ARHGEF10: variants seen among roughly 807,000 people sequenced by gnomAD.
ARHGEF10 encodes Rho guanine nucleotide exchange factor 10.
In ARHGEF10, 140 loss-of-function variants were observed where a neutral mutation model predicts 147.4. That is an observed-to-expected ratio of 0.95 (90% CI 0.83 to 1.09). The LOEUF (loss-of-function observed/expected upper bound fraction) is 1.09. ARHGEF10 is among the 50% of genes least tolerant of loss of function. ARHGEF10 has a pLI of 0.00. For missense variants in ARHGEF10, 2,222 were observed against 1,752.7 expected (o/e 1.27, Z -4.78); for synonymous variants, 902 against 695.8 (o/e 1.30, Z -4.67).
chr8:1,857,882 C>A, intron 2 of ARHGEF10, 78 bp from the exon 3 acceptor site: 1 of 606,206 alleles, frequency 1.6e-6, no homozygotes, highest in Non-Finnish European at 2.6e-6. Flanking sequence ...ATCGATCGAT[C>A]TATCTATCTA....
intron 22 of ARHGEF10, 98 bp from the exon 23 acceptor site, chr8:1,926,279 T>C: frequency 1.0e-6 from 1 of 975,856 alleles, no homozygotes; most frequent in South Asian, 1.3e-5. Flanking sequence ...TTTCTGTGTT[T>C]ATACATTGGA....
At chr8:1,929,168 G>T in intron 24 of ARHGEF10, 118 bp from the exon 25 acceptor site, 3 of 1,134,132 alleles carry the variant, frequency 2.6e-6, no homozygotes, top group Non-Finnish European at 3.9e-6. Context: ...GTGTCCCTAG[G>T]AATGGAGAAG....
chr8:1,830,339 G>T, intron 1 of ARHGEF10, among the ~76,000 whole-genome samples: 1 of 152,224 alleles, frequency 6.6e-6, no homozygotes, highest in South Asian at 2.1e-4. Context: ...CTTCTGTCCA[G>T]CATCCAGGCT....
intron 17 of ARHGEF10, among the ~76,000 whole-genome samples, chr8:1,907,251 A>G (rs962444016): frequency 6.6e-6 from 1 of 152,156 alleles, no homozygotes; most frequent in African/African-American, 2.4e-5. Context: ...ATGGCTTCCA[A>G]GTTTAACTGT....
intron 27 of ARHGEF10, among the ~76,000 whole-genome samples, chr8:1,950,162 G>T (rs1814913550): frequency 6.6e-6 from 1 of 152,132 alleles, no homozygotes; most frequent in Admixed American, 6.5e-5. Context: ...CACCTCAGCT[G>T]CCCCTGCCTC....
In ARHGEF10 at chr8:1,939,886, C is replaced by G. The variant is rs142851126; in HGVS notation, c.3223-5595C>G. On this transcript the variant is annotated intron_variant, in intron 26 of 28. Transcript: ENST00000349830. ...TAGCCAGCAGCCTTTGACTTGACTT[C>G]TTGGAGCACAGTTCTGTGTAGTTTT... Among the ~76,000 whole-genome samples, 1,505 of 152,328 alleles carry G rather than the reference C, an allele frequency of 9.9e-3. 13 individuals are homozygous for G. Among genetic ancestry groups the G allele is most frequent in the Admixed American group, 0.017 (254 of 15,310 alleles).
At chr8:1,856,400 G>A (rs763306514) in intron 2 of ARHGEF10, among the ~76,000 whole-genome samples, 4 of 152,200 alleles carry the variant, frequency 2.6e-5, no homozygotes, top group Non-Finnish European at 5.9e-5. Flanking sequence ...TCACGCTGTC[G>A]TGGGCCTGGG....
intron 1 of ARHGEF10, among the ~76,000 whole-genome samples, chr8:1,830,272 C>T (rs542936114): frequency 1.8e-3 from 269 of 152,222 alleles, no homozygotes; most frequent in African/African-American, 6.2e-3. Flanking sequence ...TCAGGCGGCT[C>T]ATTTCCCGTG....
intron 3 of ARHGEF10, 142 bp downstream of exon 3, chr8:1,858,257 C>T (rs1805769895): frequency 1.4e-6 from 1 of 723,626 alleles, no homozygotes; most frequent in Non-Finnish European, 2.3e-6. Flanking sequence ...GGTGAGTCCC[C>T]TGGGGGGTTC....
At chr8:1,888,146 T>TGTGGTGAGGGTTTGTGAGGAGACCCTG (rs1808887145) in intron 11 of ARHGEF10, among the ~76,000 whole-genome samples, 1 of 35,296 alleles carries the variant, frequency 2.8e-5, no homozygotes, top group African/African-American at 1.1e-4. Flanking sequence ...AGGAGACACT[T>TGTGGTGAGGGTTTGTGAGGAGACCCTG]AGTGGGGCGA....
intron 1 of ARHGEF10, among the ~76,000 whole-genome samples, chr8:1,834,375 G>A (rs1563151648): frequency 6.6e-6 from 1 of 152,180 alleles, no homozygotes; most frequent in South Asian, 2.1e-4. Flanking sequence ...TCAGTCCGAG[G>A]TGAGCAGAGC....
chr8:1,942,149 T>A (rs574196954), intron 26 of ARHGEF10, among the ~76,000 whole-genome samples: 2 of 151,026 alleles, frequency 1.3e-5, no homozygotes, highest in Admixed American at 6.6e-5. Flanking sequence ...ACCTTTTTGC[T>A]TCAAAGGACA....
chr8:1,870,375 A>G (rs1043583830), intron 7 of ARHGEF10: 8 of 152,146 alleles, frequency 5.3e-5, no homozygotes, highest in African/African-American at 1.9e-4. Context: ...AAGAAAATAT[A>G]AAATAAGAAA....
Position 1,859,154 on chromosome 8 carries a change from C to CA in ARHGEF10, c.194-743_194-742insA, listed in dbSNP as rs1805867406. On this transcript the variant is annotated intron_variant, in intron 3 of 28. Coordinates refer to ENST00000349830, the MANE Select transcript of ARHGEF10 (RefSeq NM_014629.4). ...CGCAGCACGCGCCTCTCTGCTTACA[C>CA]GGTGTTTCTTTGTGCACAGCACCAG... Among the ~76,000 whole-genome samples the CA allele has an allele frequency of 5.4e-5, 8 of 149,514 alleles. 1 individual carries two copies. The South Asian group carries it at 1.5e-3, about 28-fold the overall frequency.
At chr8:1,896,183 A>T in intron 13 of ARHGEF10, 150 bp from the exon 14 acceptor site, 1 of 793,108 alleles carries the variant, frequency 1.3e-6, no homozygotes, top group South Asian at 1.4e-5. Flanking sequence ...AAAGAAAAAA[A>T]ATCACACAGT....
chr8:1,866,598 G>A lies in ARHGEF10; in HGVS notation c.618G>A (p.Met206Ile). ...WAADPANTAWMENPEEAIYDD... is the reference protein window; with the variant it reads ...WAADPANTAWIENPEEAIYDD... ...CAGACCCGGCCAACACAGCCTGGAT[G>A]GAGAGTAAGTTCCCCAGCTGCCCAC... The change falls in exon 6 of 29, where the codon ATG becomes ATA. Residue 206 changes from methionine to isoleucine, a missense_variant. Physicochemically the swap from Met to Ile is conservative, Grantham distance 10. Coordinates refer to ENST00000349830, the MANE Select transcript of ARHGEF10 (RefSeq NM_014629.4). 6.2e-7 allele frequency: 1 copy of A among 1,604,934 alleles called. No homozygotes were observed. The highest frequency in any genetic ancestry group is 8.5e-7 in the Non-Finnish European group (1 of 1,179,958).
At chr8:1,953,406 A>G (rs1815220322) in intron 28 of ARHGEF10, among the ~76,000 whole-genome samples, 1 of 152,030 alleles carries the variant, frequency 6.6e-6, no homozygotes, top group Non-Finnish European at 1.5e-5. Flanking sequence ...TATTGTGAAG[A>G]AGGAAGCCGG....
At chr8:1,932,936 G>A (rs1195517190) in intron 25 of ARHGEF10, among the ~76,000 whole-genome samples, 1 of 152,210 alleles carries the variant, frequency 6.6e-6, no homozygotes, top group African/African-American at 2.4e-5. Context: ...TTAATTAATG[G>A]TTAGACTGAG....
At chr8:1,840,456 A>ATCT (rs1803936599) in intron 1 of ARHGEF10, among the ~76,000 whole-genome samples, 1 of 130,224 alleles carries the variant, frequency 7.7e-6, no homozygotes, top group Non-Finnish European at 1.6e-5. Context: ...CCGGTGTGGA[A>ATCT]GCTGTCCGGT....
Sources: allele counts gnomAD v4.1 joint callset (sites outside exome capture counted in the v4.1 genomes callset), GRCh38; gene constraint gnomAD v4.1.1; transcripts MANE v1.5; gene names NCBI Gene and HGNC (gene_info 2026-07-23, HGNC 2026-07-21).